RNF213: variants seen among roughly 807,000 people sequenced by gnomAD.
RNF213 encodes the protein E3 ubiquitin-protein ligase RNF213.
RNF213 carries 341 observed loss-of-function variants against 514.4 expected under a neutral mutation model. The ratio of observed to expected loss-of-function variants is 0.66; its 90% CI spans 0.61 to 0.73. The LOEUF (loss-of-function observed/expected upper bound fraction) is 0.73. RNF213 is among the 30% of genes least tolerant of loss of function. RNF213 has a pLI of 0.00. For missense variants in RNF213, 5,767 were observed against 6,615.6 expected, an observed-to-expected ratio of 0.87 and a Z score of 4.45; for synonymous variants, 2,655 against 2,658.2, an observed-to-expected ratio of 1.00 and a Z score of 0.04.
chr17:80,284,431 C>T (rs938238010), intron 3 of RNF213, among the ~76,000 whole-genome samples: 1 of 152,014 alleles, frequency 6.6e-6, no homozygotes, highest in East Asian at 1.9e-4. Flanking sequence ...GTAATCCCAG[C>T]TACTCAGGAG....
At chr17:80,311,619 C>T (rs1396954798) in intron 14 of RNF213, among the ~76,000 whole-genome samples, 1 of 152,218 alleles carries the variant, frequency 6.6e-6, no homozygotes, top group Non-Finnish European at 1.5e-5. Context: ...CCCGCCCTGG[C>T]CCTTCCCAGG....
rs1451940202 is a variant in RNF213, at chr17:80,397,392, AAAC to A, written c.*3895_*3897del. 6.6e-6 allele frequency: 1 copy of A among 152,086 alleles called. No homozygotes were observed. Among genetic ancestry groups the A allele is most frequent in the Non-Finnish European group, 1.5e-5 (1 of 68,018 alleles). 9.4% of individuals were successfully genotyped at this position (152,086 alleles called of 1,614,324 possible). On this transcript the variant is annotated 3_prime_UTR_variant, in exon 68 of 68. Transcript: ENST00000582970. ...TTTCTGCCTCCAAAGAGAGAAGTAA[AAAC>A]TAAAAGGCAGAAATGAAATCCACAA...
intron 52 of RNF213, 88 bp downstream of exon 52, chr17:80,376,631 T>C (rs2079772342): frequency 1.9e-6 from 3 of 1,563,702 alleles, no homozygotes; most frequent in Admixed American, 3.5e-5. Flanking sequence ...CTGTGGGAAC[T>C]CTTGAGCATC....
rs758066114 is a variant in RNF213 at position 80,369,541 on chromosome 17, C to T, written c.12195C>T (p.Cys4065=). The T allele has an allele frequency of 6.2e-7, 1 of 1,614,130 alleles. No homozygotes were observed. Among genetic ancestry groups the T allele is most frequent in the Non-Finnish European group, 8.5e-7 (1 of 1,180,028 alleles). The change falls in exon 45 of 68, where the codon TGC becomes TGT. Residue 4065 remains cysteine (C), a synonymous_variant. Coordinates refer to ENST00000582970, the MANE Select transcript of RNF213 (RefSeq NM_001256071.3). The part of the protein sequence containing the change: ...IEKHARFRQM[C]NSFFVDLVST... ...AGCATGCCCGCTTCCGGCAGATGTG[C>T]AACAGTTTCTTCGTAGACCTGGTGT...
chr17:80,386,214 C>A (rs368442720), intron 61 of RNF213, 36 bp from the exon 62 acceptor site: 2 of 1,595,284 alleles, frequency 1.3e-6, no homozygotes, highest in African/African-American at 1.3e-5. Flanking sequence ...GGAGTTGGAA[C>A]TCCTCTCTGC....
Position 80,328,489 on chromosome 17 carries a change from G to A in RNF213, c.3517+12G>A. Reference sequence around the variant, plus strand: ...ACATCTGATACAAGGTGGTATTCCTGAGAAGTGAACAAAGTTGAGGGCTCT... The same window carrying A: ...ACATCTGATACAAGGTGGTATTCCTAAGAAGTGAACAAAGTTGAGGGCTCT... On this transcript the variant is annotated intron_variant, in intron 20 of 67. Transcript: ENST00000582970. 5 of 1,537,194 alleles carry A rather than the reference G, an allele frequency of 3.3e-6. No individual in the cohort carries two copies. Among genetic ancestry groups the A allele is most frequent in the Non-Finnish European group, 4.4e-6 (5 of 1,146,884 alleles).
rs554244080 is a variant in RNF213 at position 80,335,432 on chromosome 17, C to T, written c.4310-729C>T. Among the ~76,000 whole-genome samples, 38 of 152,198 alleles carry T rather than the reference C, an allele frequency of 2.5e-4. 1 individual carries two copies. The South Asian group carries it at 6.4e-3, about 26-fold the overall frequency. ...CAGGCTCTGGCTCTCTTGGGAGAGCCGCTGCTTTCAGTGGTGGACTCTCTG... is the reference window on the plus strand; with the variant it reads ...CAGGCTCTGGCTCTCTTGGGAGAGCTGCTGCTTTCAGTGGTGGACTCTCTG... On this transcript the variant is annotated intron_variant, in intron 22 of 67. Transcript: ENST00000582970.
Position 80,298,432 on chromosome 17 carries a change from C to T in RNF213, c.2124C>T (p.His708=). The change falls in exon 11 of 68, where the codon CAC becomes CAT. Residue 708 remains histidine, a synonymous_variant. Transcript: ENST00000582970. The part of the protein sequence containing the change: ...LHCCMELAPR[H]KDAWRQPEDT... ...GCTGTATGGAGCTGGCCCCGCGGCA[C>T]AAGGATGCCTGGAGACAGCCTGAGG... 1 of 1,614,172 alleles carries T rather than the reference C, an allele frequency of 6.2e-7. No individual in the cohort carries two copies. Among genetic ancestry groups the T allele is most frequent in the Non-Finnish European group, 8.5e-7 (1 of 1,180,042 alleles).
rs1021083735 is a variant in RNF213, at chr17:80,337,585, G to T, written c.4528-1G>T. Reference sequence around the variant, plus strand: ...CGTGTTCTCTCCTTTTGTCCCCATAGTGTGACTCCGCCAGGAACTTGGAAT... The same window carrying T: ...CGTGTTCTCTCCTTTTGTCCCCATATTGTGACTCCGCCAGGAACTTGGAAT... On this transcript the variant is annotated splice_acceptor_variant, in intron 23 of 67. Coordinates refer to ENST00000582970, the MANE Select transcript of RNF213 (RefSeq NM_001256071.3). LOFTEE classifies it high-confidence loss of function. 30 of 1,537,164 alleles carry T rather than the reference G, an allele frequency of 2.0e-5. No individual in the cohort carries two copies. The highest frequency in any genetic ancestry group is 1.7e-6 in the Non-Finnish European group (2 of 1,146,928).
intron 26 of RNF213, chr17:80,341,525 C>T (rs997442922): frequency 6.6e-6 from 1 of 152,140 alleles, no homozygotes; most frequent in East Asian, 1.9e-4. Flanking sequence ...AATGACATTT[C>T]AGTCAACAGC....
intron 2 of RNF213, among the ~76,000 whole-genome samples, chr17:80,268,184 C>T (rs898392214): frequency 4.0e-5 from 6 of 151,730 alleles, no homozygotes; most frequent in Non-Finnish European, 7.4e-5. Context: ...TTTTCTTCAA[C>T]GTCCATTGTT....
chr17:80,373,001 C>T lies in RNF213; in HGVS notation c.12778C>T (p.Leu4260=). Reference sequence around the variant, plus strand: ...GATGGCCAAGGAGAAGCAGTGCTACCTGCAGCAAGTCAAGCAGTTCTGTAT... The same window carrying T: ...GATGGCCAAGGAGAAGCAGTGCTACTTGCAGCAAGTCAAGCAGTTCTGTAT... ...PEMAKEKQCY[L]QQVKQFCIRV... Residue 4260 remains leucine, a synonymous_variant, in exon 49 of 68, where the codon CTG becomes TTG. Transcript: ENST00000582970. 6.2e-7 allele frequency: 1 copy of T among 1,613,970 alleles called. No homozygotes were observed. Among genetic ancestry groups the T allele is most frequent in the Non-Finnish European group, 8.5e-7 (1 of 1,179,980 alleles).
In RNF213 at chr17:80,364,356, C is replaced by T. The variant is rs912784875; in HGVS notation, c.11751-77C>T. 1.1e-5 allele frequency: 18 copies of T among 1,606,006 alleles called. No homozygotes were observed. In the South Asian group the frequency reaches 1.2e-4, roughly 11 times the overall value. On this transcript the variant is annotated intron_variant, in intron 41 of 67. Transcript: ENST00000582970. The stretch of plus-strand genomic sequence containing the variant: ...ACCCCGGGTCCCGCATCTCTTCTCC[C>T]GTCTCCCTCCTCGTTTCACCCTTGG...
chr17:80,306,519 G>C, intron 12 of RNF213, 51 bp downstream of exon 12: 2 of 1,533,454 alleles, frequency 1.3e-6, no homozygotes, highest in African/African-American at 2.7e-5. Context: ...AAGCAGACTA[G>C]ATAACTAAAC....
At chr17:80,355,371 A>AAGAAGCGGGGTGAACGGGAATGGGG (rs1568121871) in intron 36 of RNF213, 44 of 234,174 alleles carry the variant, frequency 1.9e-4, no homozygotes, top group African/African-American at 1.7e-3. Context: ...CGGGAATGGG[A>AAGAAGCGGGGTGAACGGGAATGGGG]GCTTACAGGG....
chr17:80,323,913 A>G (rs1019176845), intron 17 of RNF213, among the ~76,000 whole-genome samples: 13 of 151,956 alleles, frequency 8.6e-5, no homozygotes, highest in Non-Finnish European at 1.9e-4. Context: ...CTAGACACAC[A>G]GTGCTCCATG....
At chr17:80,384,999 G>A in intron 59 of RNF213, 40 bp from the exon 60 acceptor site, 4 of 1,610,672 alleles carry the variant, frequency 2.5e-6, no homozygotes, top group Non-Finnish European at 3.4e-6. Context: ...CATTTTTTAG[G>A]TAAATAAAAA....
At chr17:80,325,454 T>C (rs547125953) in intron 18 of RNF213, among the ~76,000 whole-genome samples, 6 of 152,142 alleles carry the variant, frequency 3.9e-5, no homozygotes, top group Non-Finnish European at 7.3e-5. Context: ...GCAAGGGAAG[T>C]GCCCTTGAAA....
chr17:80,335,702 G>A (rs758692663), intron 22 of RNF213, among the ~76,000 whole-genome samples: 1 of 152,168 alleles, frequency 6.6e-6, no homozygotes, highest in Non-Finnish European at 1.5e-5. Context: ...CAGGCTGGGC[G>A]TGGTGGCTCA....
Sources: gnomAD v4.1 joint callset for allele counts (sites outside exome capture counted in the v4.1 genomes callset) on GRCh38, gnomAD v4.1.1 for gene constraint, MANE v1.5 for transcripts, NCBI Gene and HGNC (gene_info 2026-07-23, HGNC 2026-07-21) for gene names.